Variants in WDR90 observed in about 807,000 individuals in gnomAD.
WDR90 encodes the protein WD repeat-containing protein 90.
WDR90 carries 238 observed loss-of-function variants against 195.2 expected under a neutral mutation model. The ratio of observed to expected loss-of-function variants is 1.22; its 90% CI spans 1.10 to 1.36. The LOEUF (loss-of-function observed/expected upper bound fraction) is 1.36. WDR90 is among the 40% of genes most tolerant of loss of function. The pLI is 0.00. For synonymous variants in WDR90, 1,265 were observed against 1,052.4 expected, an observed-to-expected ratio of 1.20 and a Z score of -3.91; for missense variants, 2,734 against 2,439.5, an observed-to-expected ratio of 1.12 and a Z score of -2.54.
intron 9 of WDR90, 40 bp downstream of exon 9, chr16:652,079 G>A: frequency 1.3e-6 from 2 of 1,543,980 alleles, no homozygotes; most frequent in Non-Finnish European, 1.7e-6. Context: ...CTGGTGAGGT[G>A]TGGGCTGGGG....
rs575265890 is a variant in WDR90 at position 656,241 on chromosome 16, C to A, written c.1967-61C>A. 4 of 1,490,844 alleles carry A rather than the reference C, an allele frequency of 2.7e-6. No homozygotes were observed. In the South Asian group the frequency reaches 4.8e-5, roughly 18 times the overall value. 92.4% of individuals were successfully genotyped at this position (1,490,844 alleles called of 1,614,324 possible). ...TTGCTGGGGTGTCGGGGACCCGAAG[C>A]CTGAGCATGCGGCTCACCCCGGGGT... On this transcript the variant is annotated intron_variant, in intron 17 of 40. Coordinates refer to ENST00000293879, the MANE Select transcript of WDR90 (RefSeq NM_145294.5).
Position 661,788 on chromosome 16 carries a change from G to C in WDR90, c.3864+1G>C. 1 of 1,595,610 alleles carries C rather than the reference G, an allele frequency of 6.3e-7. No homozygotes were observed. Among genetic ancestry groups the C allele is most frequent in the Middle Eastern group, 1.7e-4 (1 of 5,986 alleles). On this transcript the variant is annotated splice_donor_variant, in intron 31 of 40. Transcript: ENST00000293879. LOFTEE classifies it high-confidence loss of function. ...GCGTGGGGCAGACATCAGCCTTCAG[G>C]TGCCACCCGTTCAGCGTTTGGGCCC...
At chr16:665,825 G>C in intron 35 of WDR90, 24 bp downstream of exon 35, 3 of 1,560,504 alleles carry the variant, frequency 1.9e-6, no homozygotes, top group South Asian at 2.4e-5. Flanking sequence ...GCCCGGGCCG[G>C]GGGCGGGATG....
Position 666,082 on chromosome 16 carries a change from C to T in WDR90, c.4567C>T (p.Pro1523Ser). The T allele has an allele frequency of 6.2e-7, 1 of 1,610,004 alleles. No homozygotes were observed. The highest frequency in any genetic ancestry group is 8.5e-7 in the Non-Finnish European group (1 of 1,179,742). Residue 1523 changes from proline (P) to serine (S), a missense_variant, in exon 36 of 41, where the codon CCC (proline) becomes TCC (serine). Transcript: ENST00000293879. The part of the protein sequence containing the change: ...SRTAMELKMH[P>S]HPVALTTVAF... ...CACGGCCATGGAGCTCAAGATGCAC[C>T]CCCACCCGGTGGCGCTGACCACTGT...
At chr16:657,500 A>C (rs1596463717) in intron 20 of WDR90, 1 of 701,410 alleles carries the variant, frequency 1.4e-6, no homozygotes, top group East Asian at 2.9e-5. Context: ...AGGCATGGGC[A>C]CCTGCCCTGT....
chr16:655,208 GC>G (rs762883813), intron 14 of WDR90, 61 bp downstream of exon 14: 86 of 1,612,190 alleles, frequency 5.3e-5, no homozygotes, highest in Non-Finnish European at 6.7e-5. Context: ...GGGGGCCGAG[GC>G]CCGAGCACCT....
Position 661,404 on chromosome 16 carries a change from C to A in WDR90, c.3576C>A (p.Asp1192Glu), listed in dbSNP as rs377393193. The A allele has an allele frequency of 6.2e-7, 1 of 1,612,184 alleles. No homozygotes were observed. The highest frequency in any genetic ancestry group is 2.2e-5 in the East Asian group (1 of 44,860). Residue 1192 changes from aspartate (D) to glutamate (E), a missense_variant, in exon 30 of 41, where the codon GAC (aspartate) becomes GAA (glutamate). By Grantham distance (45) the Asp-to-Glu change is conservative. Coordinates refer to ENST00000293879, the MANE Select transcript of WDR90 (RefSeq NM_145294.5). ...CCCATTGTCAGATCCGCGTCTGGGA[C>A]GTGTCTGGCGGCCTCTGCCAGCATC... ...TTAHCQIRVWDVSGGLCQHLI... is the reference protein window; with the variant it reads ...TTAHCQIRVWEVSGGLCQHLI...
intron 29 of WDR90, 31 bp from the exon 30 acceptor site, chr16:661,311 C>A: frequency 6.4e-7 from 1 of 1,565,172 alleles, no homozygotes; most frequent in Non-Finnish European, 8.7e-7. Context: ...GCCACGGCCT[C>A]CCCACTCACG....
At chr16:654,590 G>A in intron 13 of WDR90, 1 of 160,472 alleles carries the variant, frequency 6.2e-6, no homozygotes, top group Admixed American at 5.9e-5. Context: ...CTTTCACCTT[G>A]TTAGCCAGGA....
At position 651,387 on chromosome 16, in the gene WDR90, C is replaced by G. The variant is rs113901417; in HGVS notation, c.736+121C>G. The G allele has an allele frequency of 1.9e-5, 24 of 1,232,386 alleles. No individual in the cohort carries two copies. The African/African-American group carries it at 2.2e-4, about 12-fold the overall frequency. 76.3% of individuals were successfully genotyped at this position (1,232,386 alleles called of 1,614,324 possible). A position where few individuals can be genotyped will look rare whatever the true frequency, so the allele number is the denominator to read the frequency against. On this transcript the variant is annotated intron_variant, in intron 7 of 40. Coordinates refer to ENST00000293879, the MANE Select transcript of WDR90 (RefSeq NM_145294.5). Reference sequence around the variant, plus strand: ...TGCTGGCTGCAGCTGGTGCAGGGACCCAGGGAAGCCCGTAGGTTGTCCGAG... The same window carrying G: ...TGCTGGCTGCAGCTGGTGCAGGGACGCAGGGAAGCCCGTAGGTTGTCCGAG...
At chr16:658,794 C>T (rs922085635) in intron 23 of WDR90, 102 bp from the exon 24 acceptor site, 22 of 1,555,676 alleles carry the variant, frequency 1.4e-5, no homozygotes, top group East Asian at 1.1e-4. Context: ...TCTGTGCCTC[C>T]GGGGCCTCAC....
chr16:655,523 G>A, intron 15 of WDR90, 50 bp from the exon 16 acceptor site: 1 of 1,542,398 alleles, frequency 6.5e-7, no homozygotes, highest in Non-Finnish European at 8.7e-7. Flanking sequence ...CTGGTGCCTG[G>A]GCCTCCCCTT....
chr16:662,151 CG>C, intron 32 of WDR90, 68 bp from the exon 33 acceptor site: 1 of 1,529,918 alleles, frequency 6.5e-7, no homozygotes. Context: ...CCCTGGCGTC[CG>C]GGCAGCCTTG....
intron 7 of WDR90, 30 bp downstream of exon 7, chr16:651,296 G>C (rs2076143): frequency 0.27 from 432,014 of 1,609,346 alleles, 65,831 homozygotes; most frequent in East Asian, 0.67. Context: ...GGGGACCCAG[G>C]TTAAGGCCTG....
chr16:660,942 GCCCCACGGCTCGGCCCAGGCCCCGC>G, intron 28 of WDR90, 84 bp from the exon 29 acceptor site: 1 of 318,670 alleles, frequency 3.1e-6, no homozygotes, highest in Non-Finnish European at 3.8e-6. Context: ...CCTTGGCCCC[GCCCCACGGCTCGGCCCAGGCCCCGC>G]CCCCTGTTCG....
intron 40 of WDR90, 70 bp downstream of exon 40, chr16:667,059 C>G (rs2038098491): frequency 2.0e-6 from 3 of 1,464,254 alleles, no homozygotes; most frequent in African/African-American, 2.8e-5. Context: ...GTGCCCTGTT[C>G]CAAGACAGGT....
chr16:663,707 A>G (rs1382958972), intron 34 of WDR90, among the ~76,000 whole-genome samples: 1 of 151,902 alleles, frequency 6.6e-6, no homozygotes, highest in African/African-American at 2.4e-5. Flanking sequence ...TCTCTCTGGG[A>G]CCTCCTGGTC....
chr16:653,063 G>A (rs971954034), intron 10 of WDR90, among the ~76,000 whole-genome samples: 1 of 152,222 alleles, frequency 6.6e-6, no homozygotes, highest in Non-Finnish European at 1.5e-5. Flanking sequence ...TCTTGCACTG[G>A]AGGCGGGGCT....
In WDR90 at chr16:660,640, G is replaced by A; in HGVS notation, c.3317G>A (p.Gly1106Glu). 1.3e-6 allele frequency: 2 copies of A among 1,577,780 alleles called. No homozygotes were observed. The highest frequency in any genetic ancestry group is 1.2e-5 in the South Asian group (1 of 86,162). ...KGTCPPPASG[G>E]WLRLKAVVGY... ...ACTTGCCCGCCTCCCGCCAGCGGTG[G>A]GTGGCTGCGTCTGAAGGCTGTCGTC... The change falls in exon 28 of 41, where the codon GGG (glycine) becomes GAG (glutamate). Residue 1106 changes from glycine to glutamate, a missense_variant. Gly to Glu is a moderately conservative substitution (Grantham distance 98). Transcript: ENST00000293879.
Sources: allele counts gnomAD v4.1 joint callset (sites outside exome capture counted in the v4.1 genomes callset), GRCh38; gene constraint gnomAD v4.1.1; transcripts MANE v1.5; gene names NCBI Gene and HGNC (gene_info 2026-07-23, HGNC 2026-07-21).